The following EVA1C variants were observed in gnomAD, a reference collection of about 807,000 sequenced individuals.
The protein encoded by EVA1C is protein eva-1 homolog C.
In EVA1C, 25 loss-of-function variants were observed where a neutral mutation model predicts 45.4. That is an observed-to-expected ratio of 0.55 (90% CI 0.40 to 0.77). The LOEUF is 0.77. Ranked by LOEUF, EVA1C falls within the 30% of genes least tolerant of loss-of-function variation. The pLI is 0.00. For synonymous variants in EVA1C, 190 were observed against 221.2 expected (o/e 0.86, Z 1.25); for missense variants, 479 against 554.8 (o/e 0.86, Z 1.37).
chr21:32,456,324 C>T (rs913928683), intron 2 of EVA1C, among the ~76,000 whole-genome samples: 2 of 152,166 alleles, frequency 1.3e-5, no homozygotes, highest in African/African-American at 2.4e-5. Flanking sequence ...CAGCAAGTCC[C>T]CCTCTCTGCA....
At chr21:32,497,069 G>A in intron 5 of EVA1C, 1 of 1,075,242 alleles carries the variant, frequency 9.3e-7, no homozygotes, top group Non-Finnish European at 1.4e-6. Flanking sequence ...AATGTCATTG[G>A]ACAGGATGGT....
chr21:32,498,379 G>A (rs555834332), intron 5 of EVA1C, among the ~76,000 whole-genome samples: 5 of 151,788 alleles, frequency 3.3e-5, no homozygotes, highest in Middle Eastern at 3.4e-3. Context: ...CCTGGGAGGC[G>A]GAGTTGGCAG....
intron 1 of EVA1C, among the ~76,000 whole-genome samples, chr21:32,443,444 G>A (rs2035252301): frequency 6.6e-6 from 1 of 152,116 alleles, no homozygotes; most frequent in South Asian, 2.1e-4. Flanking sequence ...GGCTGAGGCA[G>A]AAGAATCTCC....
At chr21:32,436,738 AC>A (rs1402528163) in intron 1 of EVA1C, among the ~76,000 whole-genome samples, 2 of 152,142 alleles carry the variant, frequency 1.3e-5, no homozygotes, top group East Asian at 3.8e-4. Context: ...TGCACTGCGG[AC>A]CCCCCAAGAT....
At position 32,467,816 on chromosome 21, in the gene EVA1C, G is replaced by T; in HGVS notation, c.602G>T (p.Cys201Phe). Reference protein sequence around the residue: ...YGRRTQERDICSSKAERLPPF... With the variant: ...YGRRTQERDIFSSKAERLPPF... ...AGGAGGACCCAGGAAAGGGACATCT[G>T]CTCCTCCAAGGCAGAGCGGCTCCCC... The change falls in exon 4 of 8, where the codon TGC becomes TTC. Residue 201 changes from cysteine to phenylalanine, a missense_variant. Physicochemically the swap from Cys to Phe is radical, Grantham distance 205. Around this residue, in one of 3 missense-constraint regions of EVA1C, gnomAD observed 366 missense variants for 426.1 expected, o/e 0.86. Transcript: ENST00000300255. The T allele has an allele frequency of 6.2e-7, 1 of 1,612,538 alleles. No homozygotes were observed. The highest frequency in any genetic ancestry group is 8.5e-7 in the Non-Finnish European group (1 of 1,179,354).
chr21:32,494,899 A>ATTGCT, intron 4 of EVA1C, 128 bp from the exon 5 acceptor site: 7 of 1,018,382 alleles, frequency 6.9e-6, no homozygotes, highest in Non-Finnish European at 7.2e-6. Flanking sequence ...GAGACAGAAA[A>ATTGCT]TAAGCAGAGA....
At chr21:32,512,540 C>T (rs999720132) in intron 7 of EVA1C, among the ~76,000 whole-genome samples, 2 of 152,122 alleles carry the variant, frequency 1.3e-5, no homozygotes, top group African/African-American at 2.4e-5. Context: ...CCTGGGTACC[C>T]GGCCCCTCCC....
intron 4 of EVA1C, among the ~76,000 whole-genome samples, chr21:32,470,168 A>T (rs1051256723): frequency 6.6e-6 from 1 of 152,204 alleles, no homozygotes; most frequent in African/African-American, 2.4e-5. Flanking sequence ...ACATTAATTT[A>T]AAAAAGAAAT....
chr21:32,412,724 TG>T lies in EVA1C; in HGVS notation c.-127del. 1 of 991,100 alleles carries T rather than the reference TG, an allele frequency of 1.0e-6. No individual in the cohort carries two copies. Among genetic ancestry groups the T allele is most frequent in the Non-Finnish European group, 1.3e-6 (1 of 745,552 alleles). 61.4% of individuals were successfully genotyped at this position (991,100 alleles called of 1,614,324 possible). On this transcript the variant is annotated 5_prime_UTR_variant, in exon 1 of 8. Coordinates refer to ENST00000300255, the MANE Select transcript of EVA1C (RefSeq NM_058187.5). ...CGCAGGGGAGGAGGCTCTGGCAGCC[TG>T]GGCAGGGAGGCGGCGGGGGGCCGCG...
chr21:32,445,904 C>T (rs2035346802), intron 1 of EVA1C, among the ~76,000 whole-genome samples: 2 of 152,176 alleles, frequency 1.3e-5, no homozygotes, highest in South Asian at 2.1e-4. Flanking sequence ...TGGAGTTACA[C>T]ATGAGCTGCA....
intron 7 of EVA1C, among the ~76,000 whole-genome samples, chr21:32,511,419 C>CAAAAAAAAAAAAAAAAAAAAAAAAA (rs749141703): frequency 1.5e-4 from 7 of 47,582 alleles, no homozygotes; most frequent in Non-Finnish European, 1.9e-4. Flanking sequence ...AACTCCGTCT[C>CAAAAAAAAAAAAAAAAAAAAAAAAA]AAAAAAAAAA....
intron 5 of EVA1C, among the ~76,000 whole-genome samples, chr21:32,498,667 ATGCACACTAGC>A (rs372999298): frequency 3.4e-4 from 52 of 152,124 alleles, no homozygotes; most frequent in South Asian, 1.7e-3. Context: ...ACACTAGGGT[ATGCACACTAGC>A]TGCACACTAG....
At chr21:32,511,773 C>A (rs190259455) in intron 7 of EVA1C, among the ~76,000 whole-genome samples, 1 of 152,218 alleles carries the variant, frequency 6.6e-6, no homozygotes, top group East Asian at 1.9e-4. Flanking sequence ...ACTCACGTGC[C>A]CTAAGTCCAT....
chr21:32,461,289 T>C (rs1030926309), intron 3 of EVA1C, among the ~76,000 whole-genome samples: 10 of 151,778 alleles, frequency 6.6e-5, no homozygotes, highest in African/African-American at 2.4e-4. Context: ...AAGGAAGGAG[T>C]TGGGGCTCTA....
intron 1 of EVA1C, among the ~76,000 whole-genome samples, chr21:32,436,278 G>A (rs543841375): frequency 1.6e-4 from 25 of 152,284 alleles, no homozygotes; most frequent in African/African-American, 5.3e-4. Flanking sequence ...TGGCCAGGCT[G>A]TTCTCGAACT....
rs185515007 is a variant in EVA1C at position 32,471,787 on chromosome 21, C to A, written c.634+3939C>A. Reference sequence around the variant, plus strand: ...CGAACTACAGGTGCCCGCCACCACGCCCCACTATTTTTTTGTATTTTTAGT... The same window carrying A: ...CGAACTACAGGTGCCCGCCACCACGACCCACTATTTTTTTGTATTTTTAGT... On this transcript the variant is annotated intron_variant, in intron 4 of 7. Transcript: ENST00000300255. Among the ~76,000 whole-genome samples, 11 of 152,058 alleles carry A rather than the reference C, an allele frequency of 7.2e-5. No homozygotes were observed. In the East Asian group the frequency reaches 2.1e-3, roughly 30 times the overall value.
Position 32,497,453 on chromosome 21 carries a change from A to C in EVA1C, c.778+2283A>C, listed in dbSNP as rs10483013. On this transcript the variant is annotated intron_variant, in intron 5 of 7. Transcript: ENST00000300255. Reference sequence around the variant, plus strand: ...TACATATTATCTTATTGGAGTCCTAATTAAAATATTTTTATAAGTAAATTA... The same window carrying C: ...TACATATTATCTTATTGGAGTCCTACTTAAAATATTTTTATAAGTAAATTA... 6.1e-3 allele frequency: 1,266 copies of C among 207,718 alleles called. 22 individuals carry two copies. Among genetic ancestry groups the C allele is most frequent in the East Asian group, 0.047 (354 of 7,608 alleles). The allele number at this position is 207,718 out of a possible 1,614,324, so 12.9% of individuals were successfully genotyped here.
chr21:32,464,571 C>A (rs1351573685), intron 3 of EVA1C, among the ~76,000 whole-genome samples: 1 of 152,028 alleles, frequency 6.6e-6, no homozygotes, highest in African/African-American at 2.4e-5. Context: ...CCTGTAATCC[C>A]AGCAATTTGG....
rs144013625 is a variant in EVA1C at position 32,431,429 on chromosome 21, G to A, written c.160+18416G>A. Among the ~76,000 whole-genome samples the A allele has an allele frequency of 2.6e-4, 39 of 152,322 alleles. No individual in the cohort carries two copies. The East Asian group carries it at 6.6e-3, about 26-fold the overall frequency. On this transcript the variant is annotated intron_variant, in intron 1 of 7. Coordinates refer to ENST00000300255, the MANE Select transcript of EVA1C (RefSeq NM_058187.5). ...CCCAACGACACTAAGGGCTAAGCTG[G>A]CTGCTTATTATTCTGGATTCACACT... is the stretch of plus-strand genomic sequence containing the variant.
Sources: gnomAD v4.1 joint callset for allele counts (sites outside exome capture counted in the v4.1 genomes callset) on GRCh38, gnomAD v4.1.1 for gene constraint, gnomAD v4.1.1 regional missense constraint, MANE v1.5 for transcripts, NCBI Gene and HGNC (gene_info 2026-07-23, HGNC 2026-07-21) for gene names.